Variants in BAZ2B observed in about 807,000 individuals in gnomAD.
BAZ2B encodes bromodomain adjacent to zinc finger domain 2B, also known as bromodomain adjacent to zinc finger domain protein 2B.
In BAZ2B, 91 loss-of-function variants were observed where a neutral mutation model predicts 246.0. The ratio of observed to expected loss-of-function variants is 0.37; its 90% confidence interval spans 0.31 to 0.44. BAZ2B has a LOEUF of 0.44. BAZ2B is among the 20% of genes least tolerant of loss of function. BAZ2B has a pLI of 1.00. For missense variants in BAZ2B, 2,332 were observed against 2,533.7 expected (o/e 0.92, Z 1.71); for synonymous variants, 855 against 860.0 (o/e 0.99, Z 0.10).
At chr2:159,502,907 T>C (rs999700868) in intron 2 of BAZ2B, among the ~76,000 whole-genome samples, 7 of 152,212 alleles carry the variant, frequency 4.6e-5, no homozygotes, top group Non-Finnish European at 1.0e-4. Context: ...TTTTAAAAAC[T>C]TGGTAAAGCT....
At chr2:159,523,480 C>T (rs1009061242) in intron 2 of BAZ2B, among the ~76,000 whole-genome samples, 9 of 151,838 alleles carry the variant, frequency 5.9e-5, no homozygotes, top group African/African-American at 1.7e-4. Context: ...TCGAGGCGGG[C>T]GGATCACAAG....
At chr2:159,431,952 T>C (rs2071203176) in intron 9 of BAZ2B, among the ~76,000 whole-genome samples, 1 of 152,200 alleles carries the variant, frequency 6.6e-6, no homozygotes. Context: ...TATTGATATT[T>C]ATGATCTATC....
chr2:159,327,301 C>T (rs1221495909), intron 34 of BAZ2B, among the ~76,000 whole-genome samples: 3 of 151,992 alleles, frequency 2.0e-5, no homozygotes, highest in South Asian at 2.1e-4. Flanking sequence ...ATTTCATGAC[C>T]CCTGCCAGTA....
intron 3 of BAZ2B, chr2:159,462,051 C>T: frequency 4.2e-6 from 1 of 236,084 alleles, no homozygotes; most frequent in Non-Finnish European, 8.2e-6. Context: ...AAAGTAATGA[C>T]CATATACCTT....
chr2:159,710,389 T>C, the BAZ2B span, among the ~76,000 whole-genome samples: 1 of 152,062 alleles, frequency 6.6e-6, no homozygotes, highest in African/African-American at 2.4e-5. Flanking sequence ...TTTGTACTTT[T>C]AGTAGAGACA....
chr2:159,400,603 A>G lies in BAZ2B; in HGVS notation c.2894T>C (p.Leu965Pro). ...MEKELRAQQI[L>P]EAKKKKKEEA... ...TATTAAATTTAAGACTTCTACCTCTAGAATTTGCTGAGCTCGAAGTTCTTT... is the reference window on the plus strand; with the variant it reads ...TATTAAATTTAAGACTTCTACCTCTGGAATTTGCTGAGCTCGAAGTTCTTT... The change falls in exon 17 of 37, where the codon CTA (leucine) becomes CCA (proline). Residue 965 changes from leucine to proline, a missense_variant. Leu to Pro is a moderately conservative substitution (Grantham distance 98, BLOSUM62 -3). Transcript: ENST00000392783. 6.4e-7 allele frequency: 1 copy of G among 1,555,034 alleles called. No homozygotes were observed. The highest frequency in any genetic ancestry group is 1.2e-5 in the South Asian group (1 of 86,672).
intron 22 of BAZ2B, 83 bp from the exon 23 acceptor site, chr2:159,385,452 T>C (rs1203037270): frequency 1.6e-6 from 2 of 1,279,236 alleles, no homozygotes; most frequent in Non-Finnish European, 2.2e-6. Context: ...CCTCATATTA[T>C]TTGATTTAGA....
At chr2:159,595,189 G>A (rs764978051) in intron 1 of BAZ2B, among the ~76,000 whole-genome samples, 3 of 151,412 alleles carry the variant, frequency 2.0e-5, no homozygotes, top group Non-Finnish European at 2.9e-5. Flanking sequence ...CGCAACCTCC[G>A]CCTCCTGGGT....
intron 1 of BAZ2B, among the ~76,000 whole-genome samples, chr2:159,563,849 GA>G (rs1214851289): frequency 1.3e-5 from 2 of 152,164 alleles, no homozygotes; most frequent in African/African-American, 4.8e-5. Context: ...TCACAAGTGT[GA>G]AAATCAGAAT....
chr2:159,378,922 C>T (rs1211030452), intron 25 of BAZ2B, among the ~76,000 whole-genome samples: 2 of 152,030 alleles, frequency 1.3e-5, no homozygotes, highest in Non-Finnish European at 2.9e-5. Context: ...AGTGTAACCA[C>T]TATGGAAAAC....
the BAZ2B span, among the ~76,000 whole-genome samples, chr2:159,684,940 G>A: frequency 1.3e-5 from 2 of 152,150 alleles, no homozygotes; most frequent in Non-Finnish European, 2.9e-5. Context: ...CTGCCAAACA[G>A]GCCAAGCTGT....
chr2:159,662,441 C>T, the BAZ2B span, among the ~76,000 whole-genome samples: 1 of 152,214 alleles, frequency 6.6e-6, no homozygotes, highest in African/African-American at 2.4e-5. Context: ...GGCTGAACCA[C>T]TTTACATACC....
downstream of BAZ2B, among the ~76,000 whole-genome samples, chr2:159,316,390 G>C (rs2062120528): frequency 6.6e-6 from 1 of 152,074 alleles, no homozygotes; most frequent in Non-Finnish European, 1.5e-5. Flanking sequence ...CATCCCCCTG[G>C]AAAGAAAATT....
intron 1 of BAZ2B, among the ~76,000 whole-genome samples, chr2:159,612,951 T>C (rs1480013639): frequency 6.6e-6 from 1 of 152,194 alleles, no homozygotes; most frequent in African/African-American, 2.4e-5. Flanking sequence ...CTTATGTGCA[T>C]TTTAAATGAA....
intron 2 of BAZ2B, among the ~76,000 whole-genome samples, chr2:159,502,576 G>A (rs2081959124): frequency 1.3e-5 from 2 of 152,138 alleles, no homozygotes; most frequent in South Asian, 2.1e-4. Flanking sequence ...TGAGGCTGCA[G>A]TTAGCTGTGA....
At chr2:159,326,956 AC>A (rs2063798837) in intron 34 of BAZ2B, among the ~76,000 whole-genome samples, 1 of 152,144 alleles carries the variant, frequency 6.6e-6, no homozygotes, top group South Asian at 2.1e-4. Context: ...CACACCAAAC[AC>A]TTTTAGAAAA....
Position 159,448,150 on chromosome 2 carries a change from C to CA in BAZ2B, c.502+91dup, listed in dbSNP as rs1429252819. On this transcript the variant is annotated intron_variant, in intron 5 of 36. Transcript: ENST00000392783. The stretch of plus-strand genomic sequence containing the variant: ...ATTAAAACAAACAAACAAACAAAAA[C>CA]AAAAAACAAAAAAAGGTATTAAACC... 1.7e-5 allele frequency: 24 copies of CA among 1,442,240 alleles called. No individual in the cohort carries two copies. The East Asian group carries it at 3.0e-4, about 18-fold the overall frequency. The allele number at this position is 1,442,240 out of a possible 1,614,324, so 89.3% of individuals were successfully genotyped here. A position where few individuals can be genotyped will look rare whatever the true frequency, so the allele number is the denominator to read the frequency against.
chr2:159,336,908 T>A (rs1191761200), intron 33 of BAZ2B, 34 bp downstream of exon 33: 2 of 1,511,480 alleles, frequency 1.3e-6, no homozygotes, highest in Non-Finnish European at 1.8e-6. Flanking sequence ...ACAAAGTAAA[T>A]TAGTTATAAT....
chr2:159,691,483 C>T, the BAZ2B span, among the ~76,000 whole-genome samples: 25 of 152,104 alleles, frequency 1.6e-4, no homozygotes, highest in African/African-American at 5.1e-4. Flanking sequence ...AGAGAAAATA[C>T]ATTTACAGTA....
Sources: allele counts gnomAD v4.1 joint callset (sites outside exome capture counted in the v4.1 genomes callset), GRCh38; gene constraint gnomAD v4.1.1; transcripts MANE v1.5; gene names NCBI Gene and HGNC (gene_info 2026-07-23, HGNC 2026-07-21).